The following FNTB variants were observed in gnomAD, a reference collection of about 807,000 sequenced individuals.
FNTB encodes the protein farnesyltransferase, CAAX box, subunit beta, also known as protein farnesyltransferase subunit beta.
FNTB carries 27 observed loss-of-function variants against 59.4 expected under a neutral mutation model. The observed-to-expected ratio is 0.45, with a 90% confidence interval of 0.34 to 0.63. FNTB has a LOEUF of 0.63. Ranked by LOEUF, FNTB falls within the 20% of genes least tolerant of loss-of-function variation. The probability of loss-of-function intolerance (pLI) is 0.02; values close to 1 mark genes in which losing one functional copy is unlikely to be tolerated. For missense variants in FNTB, 449 were observed against 559.6 expected, an observed-to-expected ratio of 0.80 and a Z score of 1.99; for synonymous variants, 230 against 220.7, an observed-to-expected ratio of 1.04 and a Z score of -0.37.
intron 10 of FNTB, among the ~76,000 whole-genome samples, chr14:65,053,916 A>T (rs182206411): frequency 5.9e-5 from 9 of 152,188 alleles, no homozygotes; most frequent in Admixed American, 3.3e-4. Flanking sequence ...CCATTTCTAG[A>T]TATTTAGGTA....
Position 65,061,333 on chromosome 14 carries a change from T to C in FNTB, c.*21T>C. 1 of 1,612,980 alleles carries C rather than the reference T, an allele frequency of 6.2e-7. No homozygotes were observed. Among genetic ancestry groups the C allele is most frequent in the Non-Finnish European group, 8.5e-7 (1 of 1,179,942 alleles). On this transcript the variant is annotated 3_prime_UTR_variant, in exon 12 of 12. Coordinates refer to ENST00000246166, the MANE Select transcript of FNTB (RefSeq NM_002028.4). ...ACTAGAGGACCTGGGTCCCGGCAGC[T>C]CTTTGCTCACCCATCTCCCCAGTCA...
chr14:65,046,595 G>T (rs2062485365), intron 9 of FNTB, among the ~76,000 whole-genome samples: 1 of 152,196 alleles, frequency 6.6e-6, no homozygotes, highest in African/African-American at 2.4e-5. Flanking sequence ...TTGGCTGGGA[G>T]AAGGCCTGTG....
At chr14:65,000,866 G>C (rs1888573776) in intron 1 of FNTB, among the ~76,000 whole-genome samples, 1 of 141,726 alleles carries the variant, frequency 7.1e-6, no homozygotes, top group South Asian at 2.3e-4. Flanking sequence ...AAAGCTGGCT[G>C]AAAGAAAAGC....
At chr14:65,018,183 A>G (rs940407656) in intron 4 of FNTB, among the ~76,000 whole-genome samples, 1 of 151,736 alleles carries the variant, frequency 6.6e-6, no homozygotes, top group Non-Finnish European at 1.5e-5. Flanking sequence ...TTCAAAAATA[A>G]AAATAAAAAT....
Position 65,062,441 on chromosome 14 carries a change from C to A in FNTB, c.*1129C>A, listed in dbSNP as rs541968142. 6.5e-5 allele frequency: 10 copies of A among 152,760 alleles called. No individual in the cohort carries two copies. Among genetic ancestry groups the A allele is most frequent in the African/African-American group, 1.9e-4 (8 of 41,566 alleles). 9.5% of individuals were successfully genotyped at this position (152,760 alleles called of 1,614,324 possible). On this transcript the variant is annotated 3_prime_UTR_variant, in exon 12 of 12. Coordinates refer to ENST00000246166, the MANE Select transcript of FNTB (RefSeq NM_002028.4). The surrounding 1 kb of genome is among the most constrained non-coding windows in gnomAD (Gnocchi z 4.3). ...CCTCTGCTGTGCTGCACATTGAGCC[C>A]TTTCTCAGTCAGTGGAGTATCAAGT... is the stretch of plus-strand genomic sequence containing the variant.
intron 2 of FNTB, chr14:65,006,113 G>A (rs2061582882): frequency 1.3e-6 from 2 of 1,592,650 alleles, no homozygotes; most frequent in African/African-American, 2.7e-5. Context: ...TCTGCTTACT[G>A]GAACATTATA....
chr14:65,028,732 T>A lies in FNTB; in HGVS notation c.605+951T>A, dbSNP rs2062027230. On this transcript the variant is annotated intron_variant, in intron 6 of 11. Transcript: ENST00000246166. This position sits in a 1 kb window ranked among gnomAD's most constrained non-coding sequence, Gnocchi z 4.4. ...TCCAACCAAAAAAATTAGATTAGGA[T>A]CTGTGTATACCAGTGAAACCAGTAG... Among the ~76,000 whole-genome samples, 1 of 152,230 alleles carries A rather than the reference T, an allele frequency of 6.6e-6. No individual in the cohort carries two copies.
At position 64,986,950 on chromosome 14, in the gene FNTB, G is replaced by A. The variant is rs1406497212; in HGVS notation, c.-4G>A. The A allele has an allele frequency of 1.2e-6, 2 of 1,614,206 alleles. No homozygotes were observed. The highest frequency in any genetic ancestry group is 1.7e-6 in the Non-Finnish European group (2 of 1,180,024). On this transcript the variant is annotated 5_prime_UTR_variant, in exon 1 of 12. Coordinates refer to ENST00000246166, the MANE Select transcript of FNTB (RefSeq NM_002028.4). ...CCTACACACTGTCTGCTGCTCTCCTGATCATGGCTTCTCCGAGTTCTTTCA... is the reference window on the plus strand; with the variant it reads ...CCTACACACTGTCTGCTGCTCTCCTAATCATGGCTTCTCCGAGTTCTTTCA...
chr14:65,005,485 CTTTCTTT>C (rs2061569216), intron 2 of FNTB, among the ~76,000 whole-genome samples: 3 of 136,532 alleles, frequency 2.2e-5, no homozygotes, highest in African/African-American at 6.2e-5. Flanking sequence ...TTCTTTCTTT[CTTTCTTT>C]CTTTCTTTCT....
rs1211840893 is a variant in FNTB, at chr14:65,009,250, A to G, written c.210-3067A>G. Among the ~76,000 whole-genome samples the G allele has an allele frequency of 6.6e-6, 1 of 152,180 alleles. No homozygotes were observed. The highest frequency in any genetic ancestry group is 1.5e-5 in the Non-Finnish European group (1 of 68,026). ...GAGATTTATTTTTTCACATTTCTGG[A>G]GGCCAGAAGTCTAAGACCAAGGTGT... On this transcript the variant is annotated intron_variant, in intron 2 of 11. Transcript: ENST00000246166. The surrounding 1 kb of genome is among the most constrained non-coding windows in gnomAD (Gnocchi z 4.2).
chr14:65,059,005 C>T (rs1181651278), intron 11 of FNTB, among the ~76,000 whole-genome samples: 1 of 152,076 alleles, frequency 6.6e-6, no homozygotes, highest in Non-Finnish European at 1.5e-5. Context: ...TAGCTTCCTG[C>T]ACCTCTTACC....
intron 7 of FNTB, among the ~76,000 whole-genome samples, chr14:65,037,745 T>A (rs201962317): frequency 0.29 from 15,142 of 51,756 alleles, 940 homozygotes; most frequent in Non-Finnish European, 0.34. Flanking sequence ...TTATTTATTA[T>A]TTATTTATTT....
rs544665695 is a variant in FNTB at position 65,011,869 on chromosome 14, G to C, written c.210-448G>C. On this transcript the variant is annotated intron_variant, in intron 2 of 11. Coordinates refer to ENST00000246166, the MANE Select transcript of FNTB (RefSeq NM_002028.4). This position sits in a 1 kb window ranked among gnomAD's most constrained non-coding sequence, Gnocchi z 4.0. ...CAGGGAGTAAATTATGGGCCTTGGA[G>C]AAGTCATCCCAGACGGGGTGACTGA... Among the ~76,000 whole-genome samples, 3 of 152,322 alleles carry C rather than the reference G, an allele frequency of 2.0e-5. No individual in the cohort carries two copies. The highest frequency in any genetic ancestry group is 2.0e-4 in the Admixed American group (3 of 15,292).
intron 3 of FNTB, 74 bp from the exon 4 acceptor site, chr14:65,015,551 C>G: frequency 6.6e-7 from 1 of 1,523,926 alleles, no homozygotes; most frequent in Non-Finnish European, 9.0e-7. Flanking sequence ...GGGAGTGAGA[C>G]AGATACAGCC....
At chr14:65,016,710 G>A (rs1318457613) in intron 4 of FNTB, among the ~76,000 whole-genome samples, 1 of 152,144 alleles carries the variant, frequency 6.6e-6, no homozygotes, top group Non-Finnish European at 1.5e-5. Flanking sequence ...CCTGGGCAGG[G>A]TGTCTTGTGA....
chr14:65,050,199 T>C, intron 9 of FNTB, among the ~76,000 whole-genome samples: 1 of 152,172 alleles, frequency 6.6e-6, no homozygotes, highest in African/African-American at 2.4e-5. Flanking sequence ...ACACAAGTTA[T>C]GGAAAAATTT....
At chr14:65,037,787 T>C (rs1345773666) in intron 7 of FNTB, among the ~76,000 whole-genome samples, 7 of 138,534 alleles carry the variant, frequency 5.1e-5, no homozygotes, top group African/African-American at 1.9e-4. Flanking sequence ...TTTATTTATT[T>C]ATTTATTTAT....
Position 64,994,236 on chromosome 14 carries a change from G to T in FNTB, c.144+7139G>T, listed in dbSNP as rs1466774654. Among the ~76,000 whole-genome samples, 1 of 152,186 alleles carries T rather than the reference G, an allele frequency of 6.6e-6. No individual in the cohort carries two copies. Among genetic ancestry groups the T allele is most frequent in the Non-Finnish European group, 1.5e-5 (1 of 68,032 alleles). ...GAGCTGTCCAGAATGCAGGCATTTG[G>T]TTAGCTCTTCATTTATTTATTGCCA... On this transcript the variant is annotated intron_variant, in intron 1 of 11. Transcript: ENST00000246166. The surrounding 1 kb of genome is among the most constrained non-coding windows in gnomAD (Gnocchi z 4.2).
intron 1 of FNTB, among the ~76,000 whole-genome samples, chr14:65,002,172 A>G (rs1028301164): frequency 6.6e-6 from 1 of 152,204 alleles, no homozygotes; most frequent in African/African-American, 2.4e-5. Flanking sequence ...ATGTCTCACT[A>G]CAAAGATTAG....
Sources: gnomAD v4.1 joint callset for allele counts (sites outside exome capture counted in the v4.1 genomes callset) on GRCh38, gnomAD v4.1.1 for gene constraint, Gnocchi (gnomAD v3.1) non-coding constraint, MANE v1.5 for transcripts, NCBI Gene and HGNC (gene_info 2026-07-23, HGNC 2026-07-21) for gene names.